FAM78B: variants seen among roughly 807,000 people sequenced by gnomAD.
FAM78B encodes the protein family with sequence similarity 78 member B.
A neutral mutation model predicts 20.0 loss-of-function variants in FAM78B; 10 were observed. The observed-to-expected ratio is 0.50, with a 90% confidence interval of 0.31 to 0.85. FAM78B has a LOEUF of 0.85. Ranked by LOEUF, FAM78B falls within the 40% of genes least tolerant of loss-of-function variation. FAM78B has a pLI of 0.05. For missense variants in FAM78B, 283 were observed against 345.0 expected, an observed-to-expected ratio of 0.82 and a Z score of 1.42; for synonymous variants, 135 against 132.8, an observed-to-expected ratio of 1.02 and a Z score of -0.12.
intron 1 of FAM78B, among the ~76,000 whole-genome samples, chr1:166,143,790 A>C (rs1655362071): frequency 6.6e-6 from 1 of 152,132 alleles, no homozygotes; most frequent in Non-Finnish European, 1.5e-5. Context: ...GCATATACTA[A>C]AACACCATAA....
At chr1:166,140,138 T>C (rs1215299651) in intron 1 of FAM78B, among the ~76,000 whole-genome samples, 1 of 152,244 alleles carries the variant, frequency 6.6e-6, no homozygotes, top group African/African-American at 2.4e-5. Flanking sequence ...TTTCTAACAG[T>C]GGCCTGGACA....
chr1:166,164,443 T>C (rs990632137), intron 1 of FAM78B, among the ~76,000 whole-genome samples: 3 of 152,256 alleles, frequency 2.0e-5, no homozygotes, highest in African/African-American at 4.8e-5. Flanking sequence ...AGTTTTTAAA[T>C]GGCATGATTC....
chr1:166,109,890 G>GTATATATATGTATATATATATA (rs1653971013), intron 1 of FAM78B, among the ~76,000 whole-genome samples: 1 of 23,192 alleles, frequency 4.3e-5, no homozygotes, highest in Non-Finnish European at 1.1e-4. Context: ...ATGTATATAT[G>GTATATATATGTATATATATATA]TATATATATA....
intron 1 of FAM78B, among the ~76,000 whole-genome samples, chr1:166,127,733 T>C (rs1220857209): frequency 1.3e-5 from 2 of 152,206 alleles, no homozygotes; most frequent in Non-Finnish European, 2.9e-5. Flanking sequence ...TGTGTCTGAC[T>C]GCTACTGTGT....
In FAM78B at chr1:166,131,683, A is replaced by C. The variant is rs553656611; in HGVS notation, c.263+34303T>G. ...TGGGGAGAACTATCTAAAAGGGCACAAAGTTCCATGTCATTGGGGTTCAGG... is the reference window on the plus strand; with the variant it reads ...TGGGGAGAACTATCTAAAAGGGCACCAAGTTCCATGTCATTGGGGTTCAGG... On this transcript the variant is annotated intron_variant, in intron 1 of 1. Transcript: ENST00000354422. 3.9e-5 allele frequency among the ~76,000 whole-genome samples: 6 copies of C among 152,360 alleles called. No individual in the cohort carries two copies. The South Asian group carries it at 1.0e-3, about 26-fold the overall frequency.
chr1:166,104,298 C>A (rs1272702753), intron 1 of FAM78B, among the ~76,000 whole-genome samples: 2 of 152,130 alleles, frequency 1.3e-5, no homozygotes, highest in African/African-American at 4.8e-5. Context: ...TGGCACAAGA[C>A]AGGGATGCCC....
At chr1:166,099,918 C>T (rs908656509) in intron 1 of FAM78B, among the ~76,000 whole-genome samples, 1 of 152,084 alleles carries the variant, frequency 6.6e-6, no homozygotes, top group East Asian at 1.9e-4. Flanking sequence ...TACCTTGGAA[C>T]AAACGGAATT....
intron 1 of FAM78B, among the ~76,000 whole-genome samples, chr1:166,109,891 TA>T (rs1653971929): frequency 5.1e-5 from 1 of 19,632 alleles, no homozygotes. Flanking sequence ...TGTATATATG[TA>T]TATATATATA....
At chr1:166,059,558 C>T (rs11581600) in exon 3 of FAM78B, 31,199 of 152,148 alleles carry the variant, frequency 0.21, 3,498 homozygotes, top group Non-Finnish European at 0.25. Context: ...TGTTAGAATA[C>T]TACATCAGAG....
chr1:166,152,695 T>TATTG (rs894823423), intron 1 of FAM78B, among the ~76,000 whole-genome samples: 12 of 149,244 alleles, frequency 8.0e-5, no homozygotes, highest in Admixed American at 2.7e-4. Flanking sequence ...TTTATTTATT[T>TATTG]ATTGATGGAA....
chr1:166,112,084 G>C (rs1654077877), intron 1 of FAM78B, among the ~76,000 whole-genome samples: 2 of 152,172 alleles, frequency 1.3e-5, no homozygotes, highest in African/African-American at 4.8e-5. Flanking sequence ...TAGCCTCTCT[G>C]GCATCACTGC....
chr1:166,089,956 G>C (rs1652999049), intron 1 of FAM78B, among the ~76,000 whole-genome samples: 1 of 152,202 alleles, frequency 6.6e-6, no homozygotes, highest in African/African-American at 2.4e-5. Context: ...CACTGTCCCT[G>C]AGCCACACTG....
At chr1:166,151,224 G>C (rs1655664155) in intron 1 of FAM78B, among the ~76,000 whole-genome samples, 1 of 152,192 alleles carries the variant, frequency 6.6e-6, no homozygotes, top group Non-Finnish European at 1.5e-5. Context: ...CAATCTGACT[G>C]TCTCGTCCAC....
At chr1:166,106,701 G>A (rs568122002) in intron 1 of FAM78B, among the ~76,000 whole-genome samples, 2 of 152,258 alleles carry the variant, frequency 1.3e-5, no homozygotes, top group African/African-American at 4.8e-5. Flanking sequence ...GGCAACATCA[G>A]ACTGTGGGGA....
At chr1:166,114,260 C>G (rs1654175920) in intron 1 of FAM78B, among the ~76,000 whole-genome samples, 1 of 152,154 alleles carries the variant, frequency 6.6e-6, no homozygotes, top group South Asian at 2.1e-4. Context: ...GTCTAATGCC[C>G]ATTTAGAGGT....
intron 1 of FAM78B, among the ~76,000 whole-genome samples, chr1:166,081,809 A>G (rs1397585921): frequency 6.6e-6 from 1 of 152,184 alleles, no homozygotes; most frequent in Non-Finnish European, 1.5e-5. Flanking sequence ...ATGGGGCTGC[A>G]GTGGGACCCC....
intron 1 of FAM78B, among the ~76,000 whole-genome samples, chr1:166,129,302 G>A (rs1007334848): frequency 6.6e-6 from 1 of 152,262 alleles, no homozygotes; most frequent in Non-Finnish European, 1.5e-5. Flanking sequence ...TAAATCCAAA[G>A]TCTGATTCTT....
intron 1 of FAM78B, among the ~76,000 whole-genome samples, chr1:166,097,793 C>T (rs1469764671): frequency 1.3e-5 from 2 of 151,930 alleles, no homozygotes; most frequent in African/African-American, 4.8e-5. Flanking sequence ...TCCTTCCCTA[C>T]ACACCCTGGT....
exon 3 of FAM78B, chr1:166,059,164 A>T (rs922469650): frequency 6.6e-6 from 1 of 152,660 alleles, no homozygotes; most frequent in African/African-American, 2.4e-5. Flanking sequence ...GCTCCTAGAA[A>T]AGCTGGAAAT....
Sources: allele counts gnomAD v4.1 joint callset (sites outside exome capture counted in the v4.1 genomes callset), GRCh38; gene constraint gnomAD v4.1.1; transcripts MANE v1.5; gene names NCBI Gene and HGNC (gene_info 2026-07-23, HGNC 2026-07-21).